The following CNTNAP2 variants were observed in gnomAD, a reference collection of about 807,000 sequenced individuals.
The protein encoded by CNTNAP2 is contactin associated protein 2.
In CNTNAP2, 98 loss-of-function variants were observed where a neutral mutation model predicts 155.2. The ratio of observed to expected loss-of-function variants is 0.63; its 90% CI spans 0.54 to 0.75. CNTNAP2 has a LOEUF of 0.75. CNTNAP2 is among the 30% of genes least tolerant of loss of function. The pLI, the probability that CNTNAP2 is intolerant of heterozygous loss-of-function variation, is 0.00. For synonymous variants in CNTNAP2, 651 were observed against 631.2 expected (o/e 1.03, Z -0.47); for missense variants, 1,727 against 1,688.1 (o/e 1.02, Z -0.40).
chr7:146,844,155 A>AT (rs1234414372), intron 3 of CNTNAP2, among the ~76,000 whole-genome samples: 11 of 152,290 alleles, frequency 7.2e-5, no homozygotes, highest in Middle Eastern at 6.8e-3. Flanking sequence ...AACAAGTCAT[A>AT]TATAAGCAAA....
In CNTNAP2 at chr7:146,226,982, A is replaced by G. The variant is rs146128617; in HGVS notation, c.97+110009A>G. Among the ~76,000 whole-genome samples, 707 of 152,308 alleles carry G rather than the reference A, an allele frequency of 4.6e-3. 10 individuals carry two copies. The highest frequency in any genetic ancestry group is 0.016 in the African/African-American group (678 of 41,568). The stretch of plus-strand genomic sequence containing the variant: ...CCATTGACTCTCAAATATTCTTATG[A>G]GTTATTTATACTAAATGAATGAAAA... On this transcript the variant is annotated intron_variant, in intron 1 of 23. Coordinates refer to ENST00000361727, the MANE Select transcript of CNTNAP2 (RefSeq NM_014141.6).
chr7:148,247,624 TC>T (rs535347125), intron 20 of CNTNAP2, among the ~76,000 whole-genome samples: 12,041 of 120,766 alleles, frequency 0.1, 800 homozygotes, highest in East Asian at 0.36. Context: ...TCTCTCTCTC[TC>T]TATTTATTTA....
intron 1 of CNTNAP2, among the ~76,000 whole-genome samples, chr7:146,199,868 A>G (rs1798831936): frequency 6.6e-6 from 1 of 152,206 alleles, no homozygotes; most frequent in Admixed American, 6.5e-5. Context: ...TGAAATTTTA[A>G]TATTTCTGTT....
intron 1 of CNTNAP2, among the ~76,000 whole-genome samples, chr7:146,564,393 G>T (rs938641060): frequency 6.6e-6 from 1 of 151,680 alleles, no homozygotes; most frequent in East Asian, 1.9e-4. Context: ...TGTCGGTTGA[G>T]TTACAGAGAG....
At chr7:146,756,937 C>T (rs761647986) in intron 1 of CNTNAP2, among the ~76,000 whole-genome samples, 1 of 152,022 alleles carries the variant, frequency 6.6e-6, no homozygotes, top group Non-Finnish European at 1.5e-5. Flanking sequence ...GGCACTGCCT[C>T]GTGGTTATTT....
At chr7:147,849,129 C>T (rs1237819887) in intron 13 of CNTNAP2, among the ~76,000 whole-genome samples, 2 of 152,140 alleles carry the variant, frequency 1.3e-5, no homozygotes, top group African/African-American at 4.8e-5. Flanking sequence ...AAAACAGCAA[C>T]ATTCTGTTGC....
At chr7:146,273,330 A>T (rs1800114201) in intron 1 of CNTNAP2, among the ~76,000 whole-genome samples, 1 of 152,176 alleles carries the variant, frequency 6.6e-6, no homozygotes, top group Non-Finnish European at 1.5e-5. Flanking sequence ...AACTAGGCCA[A>T]GTGTAATATA....
At chr7:148,250,790 C>T (rs1585217054) in intron 20 of CNTNAP2, among the ~76,000 whole-genome samples, 1 of 152,180 alleles carries the variant, frequency 6.6e-6, no homozygotes, top group East Asian at 1.9e-4. Flanking sequence ...CGTACCCGGC[C>T]TCATTTTACT....
intron 9 of CNTNAP2, among the ~76,000 whole-genome samples, chr7:147,325,870 A>G (rs1163864781): frequency 6.6e-6 from 1 of 152,114 alleles, no homozygotes; most frequent in Non-Finnish European, 1.5e-5. Flanking sequence ...CTCATTAAAA[A>G]CTAACTCCCT....
intron 3 of CNTNAP2, among the ~76,000 whole-genome samples, chr7:146,859,849 T>C (rs1348965625): frequency 6.6e-6 from 1 of 151,750 alleles, no homozygotes; most frequent in Non-Finnish European, 1.5e-5. Flanking sequence ...GAACCAAAGA[T>C]AGAGTAAAAG....
rs183544747 is a variant in CNTNAP2 at position 146,466,633 on chromosome 7, G to C, written c.98-307638G>C. 3.9e-5 allele frequency among the ~76,000 whole-genome samples: 6 copies of C among 152,244 alleles called. No individual in the cohort carries two copies. The East Asian group carries it at 9.6e-4, about 24-fold the overall frequency. On this transcript the variant is annotated intron_variant, in intron 1 of 23. Transcript: ENST00000361727. Reference sequence around the variant, plus strand: ...ATTCTAGATTCCAGTAGAAAATGCTGATTTTGAAGTAATCAGGAATTTATA... The same window carrying C: ...ATTCTAGATTCCAGTAGAAAATGCTCATTTTGAAGTAATCAGGAATTTATA...
rs1014551200 is a variant in CNTNAP2, at chr7:146,721,046, A to T, written c.98-53225A>T. Among the ~76,000 whole-genome samples, 11 of 127,674 alleles carry T rather than the reference A, an allele frequency of 8.6e-5. No individual in the cohort carries two copies. The South Asian group carries it at 2.7e-3, about 31-fold the overall frequency. 83.8% of individuals were successfully genotyped at this position (127,674 alleles called of 152,430 possible). On this transcript the variant is annotated intron_variant, in intron 1 of 23. Transcript: ENST00000361727. ...ATTATATATACTCTATATATTCTAT[A>T]TATATACTCTATATTCTATATATAT... is the stretch of plus-strand genomic sequence containing the variant.
chr7:146,684,659 A>AAAAAAAAT (rs1800564159), intron 1 of CNTNAP2, among the ~76,000 whole-genome samples: 1 of 149,930 alleles, frequency 6.7e-6, no homozygotes, highest in Non-Finnish European at 1.5e-5. Context: ...AAAAAAAAAA[A>AAAAAAAAT]GCTGGAGGAT....
rs556023578 is a variant in CNTNAP2 at position 148,392,070 on chromosome 7, AGTT to A, written c.3715+8192_3715+8194del. Among the ~76,000 whole-genome samples the A allele has an allele frequency of 2.9e-3, 444 of 152,236 alleles. 1 individual carries two copies. The highest frequency in any genetic ancestry group is 0.01 in the Middle Eastern group (3 of 294). ...TCCTCTAGTTGTAAAGATTGCAGCT[AGTT>A]GTTGTTGTTATTATTATTTGAGATG... On this transcript the variant is annotated intron_variant, in intron 22 of 23. Transcript: ENST00000361727.
At chr7:146,542,056 AGT>A in intron 1 of CNTNAP2, among the ~76,000 whole-genome samples, 1 of 152,062 alleles carries the variant, frequency 6.6e-6, no homozygotes, top group South Asian at 2.1e-4. Context: ...AATGAGGTGA[AGT>A]GTGTCTACCA....
At chr7:147,957,252 T>G (rs2116837825) in intron 14 of CNTNAP2, among the ~76,000 whole-genome samples, 1 of 152,236 alleles carries the variant, frequency 6.6e-6, no homozygotes, top group Non-Finnish European at 1.5e-5. Flanking sequence ...ACAAATACGA[T>G]GGAGAGAGCT....
At chr7:148,157,882 T>C (rs1011891931) in intron 17 of CNTNAP2, among the ~76,000 whole-genome samples, 17 of 152,092 alleles carry the variant, frequency 1.1e-4, no homozygotes, top group Admixed American at 1.1e-3. Flanking sequence ...TTGAAATCAA[T>C]CGACCATATG....
intron 4 of CNTNAP2, among the ~76,000 whole-genome samples, chr7:147,056,752 GC>G (rs1171301355): frequency 2.0e-5 from 3 of 152,038 alleles, no homozygotes; most frequent in African/African-American, 7.3e-5. Flanking sequence ...CTCTGGATGA[GC>G]TTTGTTTGTT....
At chr7:146,966,772 T>A (rs1268529093) in intron 3 of CNTNAP2, among the ~76,000 whole-genome samples, 1 of 152,198 alleles carries the variant, frequency 6.6e-6, no homozygotes, top group Non-Finnish European at 1.5e-5. Context: ...AGACCATATA[T>A]CATAGCAGAA....
Sources: gnomAD v4.1 joint callset for allele counts (sites outside exome capture counted in the v4.1 genomes callset) on GRCh38, gnomAD v4.1.1 for gene constraint, MANE v1.5 for transcripts, NCBI Gene and HGNC (gene_info 2026-07-23, HGNC 2026-07-21) for gene names.